Variants in PHLPP1 observed in about 807,000 individuals in gnomAD.
PHLPP1 encodes PH domain leucine-rich repeat-containing protein phosphatase 1.
Under a neutral mutation model 117.2 loss-of-function variants are expected in PHLPP1, and 42 were observed. The ratio of observed to expected loss-of-function variants is 0.36; its 90% CI spans 0.28 to 0.46. PHLPP1 has a LOEUF of 0.46. Among genes scored for constraint, PHLPP1 ranks in the 20% least tolerant of loss-of-function variants. The probability of loss-of-function intolerance (pLI) is 1.00; values close to 1 mark genes in which losing one functional copy is unlikely to be tolerated. For missense variants in PHLPP1, 2,084 were observed against 2,241.9 expected (o/e 0.93, Z 1.42); for synonymous variants, 1,042 against 970.7 (o/e 1.07, Z -1.37).
At chr18:62,832,512 C>G (rs758481168) in intron 2 of PHLPP1, among the ~76,000 whole-genome samples, 1 of 152,198 alleles carries the variant, frequency 6.6e-6, no homozygotes, top group Non-Finnish European at 1.5e-5. Context: ...TCATTCAGTA[C>G]TAGAGTCTTG....
intron 6 of PHLPP1, 135 bp from the exon 7 acceptor site, chr18:62,902,828 GC>G (rs1916756220): frequency 6.5e-6 from 4 of 617,204 alleles, no homozygotes; most frequent in Non-Finnish European, 8.5e-6. Context: ...AAGGCCGGAT[GC>G]TGAGATTCCA....
At chr18:62,813,915 G>T (rs1397390931) in intron 1 of PHLPP1, among the ~76,000 whole-genome samples, 1 of 151,540 alleles carries the variant, frequency 6.6e-6, no homozygotes, top group Non-Finnish European at 1.5e-5. Context: ...AAAGTTCATG[G>T]CTCATTTTAC....
intron 6 of PHLPP1, among the ~76,000 whole-genome samples, chr18:62,902,312 C>T (rs757293725): frequency 3.3e-5 from 5 of 152,174 alleles, no homozygotes; most frequent in Non-Finnish European, 7.3e-5. Context: ...TTCTGCACTT[C>T]ACTCTATCAA....
chr18:62,801,055 CCCTCCCTCCCTCCTTCCCTTTCTT>C (rs1913767532), intron 1 of PHLPP1, among the ~76,000 whole-genome samples: 1 of 106,484 alleles, frequency 9.4e-6, no homozygotes, highest in African/African-American at 3.6e-5. Context: ...CTCCCTCCCT[CCCTCCCTCCCTCCTTCCCTTTCTT>C]GCCCTATCTC....
At chr18:62,803,697 C>G (rs1226532329) in intron 1 of PHLPP1, among the ~76,000 whole-genome samples, 1 of 151,978 alleles carries the variant, frequency 6.6e-6, no homozygotes, top group Non-Finnish European at 1.5e-5. Flanking sequence ...TATTTTTTTG[C>G]TTTGGTAAAT....
intron 4 of PHLPP1, among the ~76,000 whole-genome samples, chr18:62,883,718 G>A (rs1916219168): frequency 6.6e-6 from 1 of 152,058 alleles, no homozygotes; most frequent in Non-Finnish European, 1.5e-5. Context: ...AACTCTTGAG[G>A]ACAATTGTGT....
chr18:62,788,886 G>A (rs1913377293), intron 1 of PHLPP1, among the ~76,000 whole-genome samples: 1 of 151,928 alleles, frequency 6.6e-6, no homozygotes, highest in Non-Finnish European at 1.5e-5. Flanking sequence ...TTGTGCAAAG[G>A]GAACCAGTTC....
intron 10 of PHLPP1, among the ~76,000 whole-genome samples, chr18:62,939,191 C>T (rs1910059695): frequency 6.6e-6 from 1 of 151,910 alleles, no homozygotes; most frequent in African/African-American, 2.4e-5. Flanking sequence ...GGGGGTTTCA[C>T]CATGTTGGCC....
chr18:62,895,181 C>T (rs774407933), intron 5 of PHLPP1, 24 bp downstream of exon 5: 4 of 1,604,780 alleles, frequency 2.5e-6, no homozygotes, highest in African/African-American at 2.7e-5. Context: ...ACCCCACTGG[C>T]GGGTATATCC....
intron 16 of PHLPP1, among the ~76,000 whole-genome samples, chr18:62,976,921 A>G (rs1019385769): frequency 2.0e-5 from 3 of 152,188 alleles, no homozygotes; most frequent in African/African-American, 7.2e-5. Context: ...TGACACTTTG[A>G]TGAATTAGCG....
intron 1 of PHLPP1, among the ~76,000 whole-genome samples, chr18:62,742,768 T>C (rs1911567958): frequency 6.6e-6 from 1 of 152,204 alleles, no homozygotes; most frequent in South Asian, 2.1e-4. Flanking sequence ...TATTTTACTC[T>C]GTTTCTGCCC....
At position 62,778,550 on chromosome 18, in the gene PHLPP1, G is replaced by A. The variant is rs115962263; in HGVS notation, c.1577-51485G>A. On this transcript the variant is annotated intron_variant, in intron 1 of 16. Transcript: ENST00000262719. ...AACTCCCTCTGACTTATTGTATACC[G>A]TGCTTATTCCATCAGGGCCTTGCTG... 3.9e-5 allele frequency among the ~76,000 whole-genome samples: 6 copies of A among 152,258 alleles called. No individual in the cohort carries two copies. The South Asian group carries it at 1.0e-3, about 26-fold the overall frequency.
Position 62,860,454 on chromosome 18 carries a change from G to A in PHLPP1, c.1919G>A (p.Ser640Asn), listed in dbSNP as rs1915603446. The change falls in exon 4 of 17, where the codon AGC becomes AAC. Residue 640 changes from serine (S) to asparagine (N), a missense_variant. By Grantham distance (46) the Ser-to-Asn change is conservative. Around this residue, in one of 2 missense-constraint regions of PHLPP1, gnomAD observed 1,365 missense variants for 1,605.9 expected, o/e 0.85. Coordinates refer to ENST00000262719, the MANE Select transcript of PHLPP1 (RefSeq NM_194449.4). Reference protein sequence around the residue: ...QVSKVASQRISSVDLSCCSLE... With the variant: ...QVSKVASQRINSVDLSCCSLE... ...CTTTAGGTTGCATCCCAGCGCATTA[G>A]CTCAGTGGACCTCTCGTGTTGTAGC... 6.2e-7 allele frequency: 1 copy of A among 1,613,784 alleles called. No individual in the cohort carries two copies. The highest frequency in any genetic ancestry group is 1.7e-5 in the Admixed American group (1 of 59,992).
chr18:62,933,923 T>C (rs1909893532), intron 10 of PHLPP1, among the ~76,000 whole-genome samples: 1 of 152,000 alleles, frequency 6.6e-6, no homozygotes, highest in East Asian at 1.9e-4. Flanking sequence ...GCAAAGGACA[T>C]GAATAGACAC....
intron 1 of PHLPP1, among the ~76,000 whole-genome samples, chr18:62,742,539 G>A (rs1450352360): frequency 2.0e-5 from 3 of 152,084 alleles, no homozygotes; most frequent in African/African-American, 4.8e-5. Context: ...GGGTTCAAGC[G>A]ATTCTCCTGC....
chr18:62,946,369 G>A (rs534584637), intron 12 of PHLPP1, among the ~76,000 whole-genome samples: 7 of 152,216 alleles, frequency 4.6e-5, no homozygotes, highest in Admixed American at 2.0e-4. Context: ...GGGTTCAAGC[G>A]ATTCGCTCGC....
intron 1 of PHLPP1, among the ~76,000 whole-genome samples, chr18:62,772,062 T>C (rs957427904): frequency 2.0e-5 from 3 of 152,232 alleles, no homozygotes; most frequent in Non-Finnish European, 4.4e-5. Flanking sequence ...TCTGTCTCTT[T>C]GCATTCATCT....
Position 62,972,595 on chromosome 18 carries a change from T to C in PHLPP1, c.3642T>C (p.Asn1214=), listed in dbSNP as rs779834045. ...ALYGVFDGDR[N]VEVPYLLQCT... is the part of the protein sequence containing the mutation. ...ATGGTGTGTTTGACGGAGACCGGAA[T>C]GTGGAGGTGCCCTACCTTCTCCAGT... is the stretch of plus-strand genomic sequence containing the variant. The change falls in exon 15 of 17, where the codon AAT becomes AAC. Residue 1214 remains asparagine (N), a synonymous_variant. Coordinates refer to ENST00000262719, the MANE Select transcript of PHLPP1 (RefSeq NM_194449.4). The C allele has an allele frequency of 4.3e-6, 7 of 1,613,930 alleles. No individual in the cohort carries two copies. In the South Asian group the frequency reaches 7.7e-5, roughly 18 times the overall value.
chr18:62,853,053 A>G (rs1158538654), intron 3 of PHLPP1, among the ~76,000 whole-genome samples: 1 of 152,224 alleles, frequency 6.6e-6, no homozygotes, highest in African/African-American at 2.4e-5. Flanking sequence ...GACTTAGGAA[A>G]GTGTCAAGCT....
Sources: allele counts gnomAD v4.1 joint callset (sites outside exome capture counted in the v4.1 genomes callset), GRCh38; gene constraint gnomAD v4.1.1; regional missense constraint gnomAD v4.1.1; transcripts MANE v1.5; gene names NCBI Gene and HGNC (gene_info 2026-07-23, HGNC 2026-07-21).